The following LLGL1 variants were observed in gnomAD, a reference collection of about 807,000 sequenced individuals.
LLGL1 encodes the protein LLGL scribble cell polarity complex component 1.
A neutral mutation model predicts 110.6 loss-of-function variants in LLGL1; 58 were observed. The ratio of observed to expected loss-of-function variants is 0.52; its 90% confidence interval spans 0.42 to 0.65. LLGL1 has a LOEUF of 0.65. Among genes scored for constraint, LLGL1 ranks in the 30% least tolerant of loss-of-function variants. LLGL1 has a pLI of 0.00. For synonymous variants in LLGL1, 674 were observed against 607.2 expected (o/e 1.11, Z -1.62); for missense variants, 1,229 against 1,462.1 (o/e 0.84, Z 2.60).
chr17:18,238,837 C>T (rs1029814893), intron 16 of LLGL1, among the ~76,000 whole-genome samples: 2 of 152,152 alleles, frequency 1.3e-5, no homozygotes, highest in African/African-American at 4.8e-5. Flanking sequence ...ATGGTGAAAC[C>T]TCGTCTCTAC....
chr17:18,233,976 C>T lies in LLGL1; in HGVS notation c.552-37C>T, dbSNP rs770313651. ...GGCTTCCCAGCACCCACTGTGTGCC[C>T]GGGAAGTTCTGCTGGCTCACCTGCC... is the stretch of plus-strand genomic sequence containing the variant. On this transcript the variant is annotated intron_variant, in intron 5 of 22. Transcript: ENST00000316843. 24 of 1,597,344 alleles carry T rather than the reference C, an allele frequency of 1.5e-5. No homozygotes were observed. The Middle Eastern group carries it at 5.0e-4, about 33-fold the overall frequency.
rs1016292907 is a variant in LLGL1 at position 18,238,548 on chromosome 17, C to T, written c.2145C>T (p.Ala715=). The change falls in exon 16 of 23, where the codon GCC becomes GCT. Residue 715 remains alanine, a synonymous_variant. Transcript: ENST00000316843. Reference sequence around the variant, plus strand: ...AGCGCCGCATTGAGCCCCGCTCTGCCGATGACTCCTTGTCGGGTGTCGTGC... The same window carrying T: ...AGCGCCGCATTGAGCCCCGCTCTGCTGATGACTCCTTGTCGGGTGTCGTGC... The part of the protein sequence containing the change: ...PVQRRIEPRS[A]DDSLSGVVRC... The T allele has an allele frequency of 1.1e-5, 17 of 1,613,094 alleles. No homozygotes were observed. Among genetic ancestry groups the T allele is most frequent in the Middle Eastern group, 1.7e-4 (1 of 5,916 alleles).
intron 15 of LLGL1, 72 bp downstream of exon 15, chr17:18,238,286 C>G: frequency 6.3e-7 from 1 of 1,596,692 alleles, no homozygotes; most frequent in Non-Finnish European, 8.5e-7. Context: ...CCTGGGACCC[C>G]TGGGGCCTGC....
At chr17:18,235,068 C>G (rs1241694633) in intron 9 of LLGL1, 21 bp from the exon 10 acceptor site, 2 of 1,613,816 alleles carry the variant, frequency 1.2e-6, no homozygotes, top group Non-Finnish European at 1.7e-6. Flanking sequence ...GTGCTCACCC[C>G]ATACTCCCTC....
At chr17:18,237,436 C>A in intron 13 of LLGL1, 45 bp from the exon 14 acceptor site, 1 of 1,496,100 alleles carries the variant, frequency 6.7e-7, no homozygotes, top group Admixed American at 2.2e-5. Context: ...CCCAGGGCGG[C>A]CCCTCCCCTG....
chr17:18,229,023 C>T (rs1394622290), intron 1 of LLGL1, among the ~76,000 whole-genome samples: 1 of 152,080 alleles, frequency 6.6e-6, no homozygotes, highest in African/African-American at 2.4e-5. Flanking sequence ...GGCAGTGGGT[C>T]AGGAATTACC....
At position 18,238,224 on chromosome 17, in the gene LLGL1, G is replaced by A; in HGVS notation, c.2052+10G>A. The stretch of plus-strand genomic sequence containing the variant: ...TAATGCCAGCAGCAAGGTGAGCTGG[G>A]GTGGGCTGCACAGGAGCTGTGCCTG... On this transcript the variant is annotated intron_variant, in intron 15 of 22. Coordinates refer to ENST00000316843, the MANE Select transcript of LLGL1 (RefSeq NM_004140.4). 3 of 1,609,604 alleles carry A rather than the reference G, an allele frequency of 1.9e-6. No individual in the cohort carries two copies. Among genetic ancestry groups the A allele is most frequent in the Non-Finnish European group, 2.5e-6 (3 of 1,179,968 alleles).
intron 1 of LLGL1, among the ~76,000 whole-genome samples, chr17:18,225,967 G>T (rs1306822482): frequency 6.6e-6 from 1 of 151,844 alleles, no homozygotes; most frequent in Non-Finnish European, 1.5e-5. Context: ...GTCTCCGGCC[G>T]ACTTTCCGTG....
intron 1 of LLGL1, among the ~76,000 whole-genome samples, chr17:18,227,712 G>A (rs2047479342): frequency 6.6e-6 from 1 of 152,228 alleles, no homozygotes; most frequent in Non-Finnish European, 1.5e-5. Flanking sequence ...TCTTCAGCCA[G>A]TGAATTGGGG....
Position 18,237,137 on chromosome 17 carries a change from G to C in LLGL1, c.1611+198G>C. 1.7e-5 allele frequency: 10 copies of C among 603,802 alleles called. No individual in the cohort carries two copies. In the South Asian group the frequency reaches 2.0e-4, roughly 12 times the overall value. The allele number at this position is 603,802 out of a possible 1,614,324, so 37.4% of individuals were successfully genotyped here. A position where few individuals can be genotyped will look rare whatever the true frequency, so the allele number is the denominator to read the frequency against. On this transcript the variant is annotated intron_variant, in intron 13 of 22. Coordinates refer to ENST00000316843, the MANE Select transcript of LLGL1 (RefSeq NM_004140.4). ...TGGGGGAACCACAGTGTTGAGAGGAGGGAACTCATGTCAGTGCTGTGCTCC... is the reference window on the plus strand; with the variant it reads ...TGGGGGAACCACAGTGTTGAGAGGACGGAACTCATGTCAGTGCTGTGCTCC...
In LLGL1 at chr17:18,237,613, C is replaced by T; in HGVS notation, c.1744C>T (p.Pro582Ser). The change falls in exon 14 of 23, where the codon CCC becomes TCC. Residue 582 changes from proline to serine, a missense_variant. Transcript: ENST00000316843. ...GCTGAGCCCACGCACGGGGCCGCTG[C>T]CCTGGCCTGCTGGCTTCCAGCCCCG... ...ERLSPRTGPL[P>S]WPAGFQPRVL... 2 of 1,611,344 alleles carry T rather than the reference C, an allele frequency of 1.2e-6. No homozygotes were observed. The highest frequency in any genetic ancestry group is 1.7e-6 in the Non-Finnish European group (2 of 1,179,864).
rs372718134 is a variant in LLGL1, at chr17:18,233,946, C to T, written c.551+10C>T. 3.5e-5 allele frequency: 57 copies of T among 1,608,254 alleles called. No individual in the cohort carries two copies. The highest frequency in any genetic ancestry group is 5.0e-5 in the Admixed American group (3 of 59,876). On this transcript the variant is annotated intron_variant, in intron 5 of 22. Transcript: ENST00000316843. The stretch of plus-strand genomic sequence containing the variant: ...GCGAGGTTCTGCGCAGGTAAGAGGC[C>T]GGTGGGCTTCCCAGCACCCACTGTG...
At chr17:18,235,595 C>G in intron 11 of LLGL1, 58 bp downstream of exon 11, 1 of 1,560,182 alleles carries the variant, frequency 6.4e-7, no homozygotes, top group South Asian at 1.2e-5. Context: ...GAGAGCCCAT[C>G]CTGGGCCTGG....
chr17:18,236,069 GC>G (rs897580378), intron 11 of LLGL1: 10 of 180,148 alleles, frequency 5.6e-5, no homozygotes, highest in African/African-American at 1.9e-4. Context: ...TTTCACCACC[GC>G]CTGGGGCCCT....
Position 18,236,919 on chromosome 17 carries a change from G to A in LLGL1, c.1591G>A (p.Val531Met). The A allele has an allele frequency of 1.2e-6, 2 of 1,613,424 alleles. No individual in the cohort carries two copies. The highest frequency in any genetic ancestry group is 1.7e-6 in the Non-Finnish European group (2 of 1,179,834). The change falls in exon 13 of 23, where the codon GTG becomes ATG. Residue 531 changes from valine to methionine, a missense_variant. Transcript: ENST00000316843. ...CTGCAAGTATACAGCCCAGATGGTG[G>A]TGGCTGGCACTGCAGGCCAGGTAGG... ...ALCKYTAQMV[V>M]AGTAGQVLVL...
At position 18,242,725 on chromosome 17, in the gene LLGL1, A is replaced by G. The variant is rs953195351; in HGVS notation, c.3117-18A>G. ...GGCTCCCCCGCCCCCACCCCTGAGC[A>G]CCATCCCCATCTCGCAGCTCCTCTG... On this transcript the variant is annotated intron_variant, in intron 21 of 22. Transcript: ENST00000316843. 4 of 1,563,156 alleles carry G rather than the reference A, an allele frequency of 2.6e-6. No homozygotes were observed. In the African/African-American group the frequency reaches 4.1e-5, roughly 16 times the overall value.
intron 10 of LLGL1, 22 bp downstream of exon 10, chr17:18,235,334 G>A (rs1189679955): frequency 1.2e-6 from 2 of 1,608,256 alleles, no homozygotes; most frequent in Non-Finnish European, 1.7e-6. Context: ...GATCAGGGGG[G>A]TCTTACAGGG....
In LLGL1 at chr17:18,236,825, A is replaced by G; in HGVS notation, c.1507-10A>G. On this transcript the variant is annotated splice_polypyrimidine_tract_variant and intron_variant, in intron 12 of 22. Transcript: ENST00000316843. ...CCGCCTGGACTCATTACTCCTTCCC[A>G]TCCCTCTAGGTGGGCTGCTTCGATC... The G allele has an allele frequency of 5.0e-6, 8 of 1,610,610 alleles. No individual in the cohort carries two copies. The highest frequency in any genetic ancestry group is 5.1e-6 in the Non-Finnish European group (6 of 1,178,836).
At chr17:18,225,811 G>C in intron 1 of LLGL1, 48 bp downstream of exon 1, 5 of 865,006 alleles carry the variant, frequency 5.8e-6, no homozygotes, top group Non-Finnish European at 5.5e-6. Flanking sequence ...GGGCGGGACG[G>C]GGGCCTGGGC....
Sources: allele counts gnomAD v4.1 joint callset (sites outside exome capture counted in the v4.1 genomes callset), GRCh38; gene constraint gnomAD v4.1.1; transcripts MANE v1.5; gene names NCBI Gene and HGNC (gene_info 2026-07-23, HGNC 2026-07-21).